Variants in MANBA observed in about 807,000 individuals in gnomAD.
MANBA encodes the protein beta-mannosidase.
In MANBA, 83 loss-of-function variants were observed where a neutral mutation model predicts 111.1. The ratio of observed to expected loss-of-function variants is 0.75; its 90% CI spans 0.63 to 0.90. The LOEUF (loss-of-function observed/expected upper bound fraction) is 0.90, where lower values mean the gene tolerates loss of function less well. Among genes scored for constraint, MANBA ranks in the 40% least tolerant of loss-of-function variants. The probability of loss-of-function intolerance (pLI) is 0.00; values close to 1 mark genes in which losing one functional copy is unlikely to be tolerated. For synonymous variants in MANBA, 370 were observed against 378.7 expected (o/e 0.98, Z 0.27); for missense variants, 1,036 against 1,069.0 (o/e 0.97, Z 0.43).
intron 1 of MANBA, chr4:102,752,133 C>A: frequency 3.9e-6 from 3 of 769,254 alleles, no homozygotes; most frequent in Non-Finnish European, 7.3e-6. Context: ...CCCATAGTGA[C>A]CCTCTCTGGT....
intron 2 of MANBA, among the ~76,000 whole-genome samples, chr4:102,724,467 G>A (rs1578940271): frequency 6.6e-6 from 1 of 151,262 alleles, no homozygotes; most frequent in African/African-American, 2.4e-5. Context: ...GCTGAGGCAG[G>A]AGAAACACTT....
intron 11 of MANBA, among the ~76,000 whole-genome samples, chr4:102,664,483 G>A (rs1731117319): frequency 2.6e-5 from 4 of 152,006 alleles, no homozygotes. Flanking sequence ...CGAGTAGCTG[G>A]GACTACAGGC....
At chr4:102,673,858 C>T (rs142912176) in intron 8 of MANBA, 61 bp downstream of exon 8, 85 of 1,481,758 alleles carry the variant, frequency 5.7e-5, no homozygotes, top group Non-Finnish European at 1.4e-5. Flanking sequence ...AATGAGTAAA[C>T]CTCAAGCTTT....
At chr4:102,745,974 C>T (rs913745431) in intron 1 of MANBA, among the ~76,000 whole-genome samples, 1 of 152,144 alleles carries the variant, frequency 6.6e-6, no homozygotes, top group Non-Finnish European at 1.5e-5. Context: ...TTGGGGGTGG[C>T]TCCTGAGGAG....
intron 5 of MANBA, among the ~76,000 whole-genome samples, chr4:102,713,662 G>T (rs1263217655): frequency 6.6e-6 from 1 of 152,180 alleles, no homozygotes; most frequent in Middle Eastern, 3.2e-3. Flanking sequence ...AGCACTTTGG[G>T]AGGCTGAGGC....
intron 1 of MANBA, among the ~76,000 whole-genome samples, chr4:102,744,791 C>G (rs1004518377): frequency 6.6e-6 from 1 of 152,176 alleles, no homozygotes; most frequent in Non-Finnish European, 1.5e-5. Flanking sequence ...CTTTCAGGTC[C>G]TTGATGGTGG....
intron 1 of MANBA, among the ~76,000 whole-genome samples, chr4:102,745,689 A>G (rs1368984267): frequency 6.6e-6 from 1 of 151,826 alleles, no homozygotes; most frequent in Non-Finnish European, 1.5e-5. Flanking sequence ...ACCTTTTTTA[A>G]CTCCCTGAGC....
In MANBA at chr4:102,650,682, C is replaced by T; in HGVS notation, c.1724G>A (p.Trp575Ter). The T allele has an allele frequency of 6.2e-7, 1 of 1,612,930 alleles. No homozygotes were observed. The highest frequency in any genetic ancestry group is 8.5e-7 in the Non-Finnish European group (1 of 1,179,050). Residue 575 changes from tryptophan (W) to a stop codon, truncating the protein, a stop_gained, in exon 13 of 17, where the codon TGG becomes TAG. Transcript: ENST00000647097. LOFTEE classifies it high-confidence loss of function. ...AAGTGAAAACTTGCTATTGAAAGACCAGTCCTCTGTAGACGAGACCTTTCA... is the reference window on the plus strand; with the variant it reads ...AAGTGAAAACTTGCTATTGAAAGACTAGTCCTCTGTAGACGAGACCTTTCA... Reference protein sequence around the residue: ...TLEKVSSTEDWSFNSKFSLHR... With the variant: ...TLEKVSSTED
intron 7 of MANBA, chr4:102,683,006 T>C (rs1732053104): frequency 6.6e-6 from 1 of 152,172 alleles, no homozygotes; most frequent in Non-Finnish European, 1.5e-5. Context: ...AAATACACCT[T>C]GATTATTCCT....
intron 1 of MANBA, among the ~76,000 whole-genome samples, chr4:102,759,906 C>T (rs952973513): frequency 4.6e-5 from 7 of 152,100 alleles, no homozygotes; most frequent in Non-Finnish European, 1.0e-4. Flanking sequence ...GTATGCATCC[C>T]ACAAGTAGAT....
intron 7 of MANBA, among the ~76,000 whole-genome samples, chr4:102,677,031 T>C (rs1487412599): frequency 6.6e-6 from 1 of 152,232 alleles, no homozygotes; most frequent in Admixed American, 6.5e-5. Flanking sequence ...CATTATGAAA[T>C]GAGCAATATC....
intron 12 of MANBA, among the ~76,000 whole-genome samples, chr4:102,656,963 G>A (rs1730582924): frequency 6.6e-6 from 1 of 152,076 alleles, no homozygotes; most frequent in South Asian, 2.1e-4. Flanking sequence ...TGGGTTCAGG[G>A]TTTCTTTTGA....
intron 11 of MANBA, 142 bp from the exon 12 acceptor site, chr4:102,658,042 C>G (rs1050866498): frequency 2.9e-6 from 2 of 690,316 alleles, no homozygotes; most frequent in African/African-American, 3.6e-5. Context: ...ACCTTCTTCC[C>G]TATTCAACAA....
At position 102,634,608 on chromosome 4, in the gene MANBA, C is replaced by T. The variant is rs547887073; in HGVS notation, c.2415+180G>A. On this transcript the variant is annotated intron_variant, in intron 16 of 16. Coordinates refer to ENST00000647097, the MANE Select transcript of MANBA (RefSeq NM_005908.4). ...CAGCAACTCTGACAAATCCTGGATT[C>T]GAAATAGAAATCATTTGGTGTTTGC... Among the ~76,000 whole-genome samples the T allele has an allele frequency of 9.5e-4, 145 of 152,292 alleles. 1 individual carries two copies. The highest frequency in any genetic ancestry group is 6.8e-3 in the South Asian group (33 of 4,832).
chr4:102,698,578 T>C (rs567608766), intron 5 of MANBA, among the ~76,000 whole-genome samples: 3 of 149,516 alleles, frequency 2.0e-5, no homozygotes, highest in African/African-American at 7.5e-5. Flanking sequence ...TACATATGGC[T>C]AGCCAGTTTT....
At chr4:102,737,311 G>A (rs569782858) in intron 1 of MANBA, among the ~76,000 whole-genome samples, 16 of 152,328 alleles carry the variant, frequency 1.1e-4, no homozygotes, top group African/African-American at 3.8e-4. Flanking sequence ...TGAGAGCCAT[G>A]TTTGCTTTCT....
chr4:102,689,305 C>T lies in MANBA; in HGVS notation c.960+269G>A, dbSNP rs542863316. ...TGGAGGTTGCAGTGAGCCAAGATTG[C>T]ACCATTGCACTCCAGCCTGAGTGAC... On this transcript the variant is annotated intron_variant, in intron 7 of 16. Coordinates refer to ENST00000647097, the MANE Select transcript of MANBA (RefSeq NM_005908.4). Among the ~76,000 whole-genome samples, 84 of 149,956 alleles carry T rather than the reference C, an allele frequency of 5.6e-4. 2 individuals carry two copies. The South Asian group carries it at 0.018, about 32-fold the overall frequency.
At chr4:102,728,256 A>G in intron 1 of MANBA, 2 of 536,550 alleles carry the variant, frequency 3.7e-6, no homozygotes, top group Non-Finnish European at 7.6e-6. Flanking sequence ...ACAAATGCCC[A>G]GGCACCCTGT....
At chr4:102,696,153 G>C (rs1439389539) in intron 5 of MANBA, among the ~76,000 whole-genome samples, 2 of 152,184 alleles carry the variant, frequency 1.3e-5, no homozygotes, top group Non-Finnish European at 2.9e-5. Flanking sequence ...TTGAGCCCAG[G>C]AGGTCAAGGC....
Sources: allele counts gnomAD v4.1 joint callset (sites outside exome capture counted in the v4.1 genomes callset), GRCh38; gene constraint gnomAD v4.1.1; transcripts MANE v1.5; gene names NCBI Gene and HGNC (gene_info 2026-07-23, HGNC 2026-07-21).